SCAMP1: variants seen among roughly 807,000 people sequenced by gnomAD.
The protein encoded by SCAMP1 is secretory carrier membrane protein 1.
A neutral mutation model predicts 41.8 loss-of-function variants in SCAMP1; 15 were observed. That is an observed-to-expected ratio of 0.36 (90% confidence interval 0.24 to 0.55). The LOEUF (loss-of-function observed/expected upper bound fraction) is 0.55, where lower values mean the gene tolerates loss of function less well. SCAMP1 is among the 20% of genes least tolerant of loss of function. The pLI is 0.86. For missense variants in SCAMP1, 341 were observed against 412.6 expected, an observed-to-expected ratio of 0.83 and a Z score of 1.50; for synonymous variants, 135 against 136.8, an observed-to-expected ratio of 0.99 and a Z score of 0.09.
rs538134771 is a variant in SCAMP1, at chr5:78,454,091, G to A, written c.734+4057G>A. Among the ~76,000 whole-genome samples the A allele has an allele frequency of 5.3e-3, 808 of 151,988 alleles. 4 individuals are homozygous for A. The highest frequency in any genetic ancestry group is 4.7e-3 in the Non-Finnish European group (318 of 67,954). On this transcript the variant is annotated intron_variant, in intron 7 of 8. Transcript: ENST00000621999. The stretch of plus-strand genomic sequence containing the variant: ...CTTAAGGAGATTTTGGGCTGAGACA[G>A]TGGGGTTTTCTAGATATACAATCAT...
At chr5:78,454,786 G>A (rs1054369088) in intron 7 of SCAMP1, among the ~76,000 whole-genome samples, 6 of 152,172 alleles carry the variant, frequency 3.9e-5, no homozygotes, top group South Asian at 2.1e-4. Context: ...ACCTCTGATC[G>A]AATTCGGCTG....
chr5:78,441,979 A>T (rs1469398471), intron 6 of SCAMP1, among the ~76,000 whole-genome samples: 1 of 152,068 alleles, frequency 6.6e-6, no homozygotes, highest in Non-Finnish European at 1.5e-5. Context: ...AAGTACAAAT[A>T]TTAGTCGGTT....
chr5:78,428,136 T>C (rs1389361341), intron 6 of SCAMP1, among the ~76,000 whole-genome samples: 1 of 152,142 alleles, frequency 6.6e-6, no homozygotes, highest in Non-Finnish European at 1.5e-5. Context: ...AGATTTTCTC[T>C]TATATTTTCT....
chr5:78,384,765 T>C (rs1355813166), intron 1 of SCAMP1, among the ~76,000 whole-genome samples: 1 of 152,132 alleles, frequency 6.6e-6, no homozygotes, highest in Non-Finnish European at 1.5e-5. Context: ...TATTGACTTG[T>C]GGATGTTAAG....
At position 78,466,831 on chromosome 5, in the gene SCAMP1, C is replaced by T. The variant is rs116472290; in HGVS notation, c.852+7469C>T. On this transcript the variant is annotated intron_variant, in intron 8 of 8. Coordinates refer to ENST00000621999, the MANE Select transcript of SCAMP1 (RefSeq NM_004866.6). ...GTCGTACTTGGAAACACTTAGGAGA[C>T]GGGCTAGGAAGCTGATTAGTAATGA... Among the ~76,000 whole-genome samples the T allele has an allele frequency of 8.9e-3, 1,355 of 152,122 alleles. 16 individuals are homozygous for T. Among genetic ancestry groups the T allele is most frequent in the African/African-American group, 0.031 (1,273 of 41,476 alleles).
intron 6 of SCAMP1, among the ~76,000 whole-genome samples, chr5:78,440,750 A>G (rs1238101109): frequency 6.6e-6 from 1 of 152,230 alleles, no homozygotes; most frequent in Non-Finnish European, 1.5e-5. Flanking sequence ...AGACAGGGAC[A>G]TTGAAGTCTG....
intron 7 of SCAMP1, among the ~76,000 whole-genome samples, chr5:78,456,559 T>C (rs1257606006): frequency 6.6e-6 from 1 of 151,372 alleles, no homozygotes; most frequent in Non-Finnish European, 1.5e-5. Context: ...GATCTGCTGT[T>C]AGTCTGATGG....
Position 78,361,326 on chromosome 5 carries a change from G to A in SCAMP1, c.57+598G>A, listed in dbSNP as rs185216832. Among the ~76,000 whole-genome samples the A allele has an allele frequency of 6.1e-3, 934 of 152,260 alleles. 5 individuals carry two copies. The highest frequency in any genetic ancestry group is 0.021 in the African/African-American group (882 of 41,554). On this transcript the variant is annotated intron_variant, in intron 1 of 8. Transcript: ENST00000621999. ...CCATCCCCCCTCTTTCTGTTAGGTT[G>A]AGGTTGAGGTTATTGATACCAAAGC...
intron 7 of SCAMP1, among the ~76,000 whole-genome samples, chr5:78,453,031 T>G (rs996886103): frequency 2.0e-5 from 3 of 147,472 alleles, no homozygotes; most frequent in Admixed American, 1.3e-4. Flanking sequence ...TTGATGGGGT[T>G]GTTTGTTTTT....
chr5:78,445,273 A>G (rs1475900801), intron 6 of SCAMP1, among the ~76,000 whole-genome samples: 1 of 152,246 alleles, frequency 6.6e-6, no homozygotes, highest in Non-Finnish European at 1.5e-5. Flanking sequence ...ACATTAAACC[A>G]AAAACTACTT....
chr5:78,462,724 C>G (rs1399227327), intron 8 of SCAMP1, among the ~76,000 whole-genome samples: 2 of 152,058 alleles, frequency 1.3e-5, no homozygotes, highest in African/African-American at 4.8e-5. Context: ...GTAGAATTCC[C>G]ATGTCTGTTT....
intron 7 of SCAMP1, among the ~76,000 whole-genome samples, chr5:78,456,723 C>G (rs1280353396): frequency 6.7e-6 from 1 of 149,926 alleles, no homozygotes; most frequent in African/African-American, 2.5e-5. Flanking sequence ...TGAATCTGAG[C>G]GTTGGCCTGC....
At chr5:78,362,061 C>T (rs1175567039) in intron 1 of SCAMP1, among the ~76,000 whole-genome samples, 1 of 151,982 alleles carries the variant, frequency 6.6e-6, no homozygotes, top group Non-Finnish European at 1.5e-5. Flanking sequence ...CTGTACCTTT[C>T]AGTGACATGG....
chr5:78,450,328 T>G (rs1054321519), intron 7 of SCAMP1, among the ~76,000 whole-genome samples: 12 of 151,928 alleles, frequency 7.9e-5, no homozygotes, highest in African/African-American at 1.9e-4. Context: ...GTCAGAGAGA[T>G]AGAGGGACCA....
intron 6 of SCAMP1, among the ~76,000 whole-genome samples, chr5:78,431,260 A>T (rs1580689773): frequency 6.6e-6 from 1 of 151,670 alleles, no homozygotes; most frequent in Non-Finnish European, 1.5e-5. Context: ...GCTTCAAAAT[A>T]TTCAAAATGC....
At chr5:78,459,182 T>G in intron 7 of SCAMP1, 63 bp from the exon 8 acceptor site, 1 of 766,634 alleles carries the variant, frequency 1.3e-6, no homozygotes, top group Non-Finnish European at 2.3e-6. Context: ...GTGTTAGATA[T>G]TATGCTATTT....
At chr5:78,368,691 C>T (rs1485969805) in intron 1 of SCAMP1, among the ~76,000 whole-genome samples, 2 of 152,130 alleles carry the variant, frequency 1.3e-5, no homozygotes, top group Admixed American at 1.3e-4. Flanking sequence ...TCAGAATGGT[C>T]ATGGGACTGG....
chr5:78,369,108 A>AT (rs34278150), intron 1 of SCAMP1, among the ~76,000 whole-genome samples: 5,797 of 141,746 alleles, frequency 0.041, 120 homozygotes, highest in African/African-American at 0.068. Context: ...AGGACACACA[A>AT]TTTTTTTTTT....
intron 7 of SCAMP1, among the ~76,000 whole-genome samples, chr5:78,457,216 C>T (rs370250563): frequency 1.3e-5 from 2 of 152,238 alleles, no homozygotes; most frequent in South Asian, 2.1e-4. Flanking sequence ...AGCTTTGTTC[C>T]GTTGCTGGTG....
Sources: gnomAD v4.1 joint callset for allele counts (sites outside exome capture counted in the v4.1 genomes callset) on GRCh38, gnomAD v4.1.1 for gene constraint, MANE v1.5 for transcripts, NCBI Gene and HGNC (gene_info 2026-07-23, HGNC 2026-07-21) for gene names.